Variants in NLGN1 observed in about 807,000 individuals in gnomAD.
NLGN1 encodes the protein neuroligin-1.
Under a neutral mutation model 65.5 loss-of-function variants are expected in NLGN1, and 12 were observed. The ratio of observed to expected loss-of-function variants is 0.18; its 90% confidence interval spans 0.12 to 0.30. NLGN1 has a LOEUF of 0.30. Ranked by LOEUF, NLGN1 falls within the 10% of genes least tolerant of loss-of-function variation. The probability of loss-of-function intolerance (pLI) is 1.00; values close to 1 mark genes in which losing one functional copy is unlikely to be tolerated. For missense variants in NLGN1, 750 were observed against 1,007.1 expected (o/e 0.74, Z 3.46); for synonymous variants, 350 against 359.5 (o/e 0.97, Z 0.30).
At chr3:173,940,080 CTTTTTTTTT>C (rs531013909) in intron 4 of NLGN1, among the ~76,000 whole-genome samples, 14 of 75,404 alleles carry the variant, frequency 1.9e-4, no homozygotes, top group Non-Finnish European at 2.5e-4. Flanking sequence ...ATAGTTATAG[CTTTTTTTTT>C]TTTTTTTTTT....
In NLGN1 at chr3:173,570,153, TGAAGGG is replaced by T. The variant is rs1744408370; in HGVS notation, c.-320-34125_-320-34120del. Reference sequence around the variant, plus strand: ...GGTGAGGTAGGATAGATTGTATCTCTGAAGGGTTAATAGAGGCAGTGCTGACTAAAG... The same window carrying T: ...GGTGAGGTAGGATAGATTGTATCTCTTTAATAGAGGCAGTGCTGACTAAAG... On this transcript the variant is annotated intron_variant, in intron 2 of 6. Coordinates refer to ENST00000457714, the Ensembl canonical transcript of NLGN1. Among the ~76,000 whole-genome samples, 14 of 152,254 alleles carry T rather than the reference TGAAGGG, an allele frequency of 9.2e-5. No individual in the cohort carries two copies. The South Asian group carries it at 2.9e-3, about 32-fold the overall frequency.
chr3:174,266,020 ATG>A (rs200553827), intron 4 of NLGN1, among the ~76,000 whole-genome samples: 1 of 142,116 alleles, frequency 7.0e-6, no homozygotes, highest in East Asian at 2.0e-4. Context: ...GTGCATATAT[ATG>A]TGTGTGTGTG....
chr3:174,070,632 A>C (rs1164975827), intron 4 of NLGN1, among the ~76,000 whole-genome samples: 1 of 152,116 alleles, frequency 6.6e-6, no homozygotes, highest in Non-Finnish European at 1.5e-5. Context: ...GCCCGGCCTT[A>C]TCTCTGACAT....
chr3:174,170,689 G>GT (rs1728358593), intron 4 of NLGN1, among the ~76,000 whole-genome samples: 1 of 152,080 alleles, frequency 6.6e-6, no homozygotes, highest in African/African-American at 2.4e-5. Context: ...TTAAACATAT[G>GT]GCACTAGCTA....
At chr3:173,561,929 G>A (rs1742802709) in intron 2 of NLGN1, among the ~76,000 whole-genome samples, 1 of 152,128 alleles carries the variant, frequency 6.6e-6, no homozygotes, top group Non-Finnish European at 1.5e-5. Context: ...ATGCTCTAGT[G>A]GTTTTTTTGT....
At chr3:173,967,576 A>C (rs1715166635) in intron 4 of NLGN1, among the ~76,000 whole-genome samples, 1 of 152,174 alleles carries the variant, frequency 6.6e-6, no homozygotes, top group Admixed American at 6.5e-5. Context: ...TCACATTACT[A>C]TATAATTTAG....
At chr3:173,918,700 GTGTATATATA>G (rs1478611727) in intron 4 of NLGN1, among the ~76,000 whole-genome samples, 157 of 81,966 alleles carry the variant, frequency 1.9e-3, no homozygotes, top group African/African-American at 6.8e-3. Flanking sequence ...GTGTGTGTGT[GTGTATATATA>G]TATATTGCAT....
At chr3:174,123,862 C>T (rs1466570754) in intron 4 of NLGN1, among the ~76,000 whole-genome samples, 1 of 152,110 alleles carries the variant, frequency 6.6e-6, no homozygotes, top group African/African-American at 2.4e-5. Flanking sequence ...ACTGCCTGCT[C>T]CTCCAGATAC....
chr3:174,004,502 A>G (rs1369108499), intron 4 of NLGN1, among the ~76,000 whole-genome samples: 1 of 152,080 alleles, frequency 6.6e-6, no homozygotes, highest in Non-Finnish European at 1.5e-5. Context: ...AACTGACCCA[A>G]ATGGTCAAAC....
At chr3:174,053,735 C>T (rs993891594) in intron 4 of NLGN1, among the ~76,000 whole-genome samples, 5 of 151,870 alleles carry the variant, frequency 3.3e-5, no homozygotes, top group African/African-American at 9.7e-5. Flanking sequence ...AATCCTTGCC[C>T]TTTTCCTTCT....
At chr3:173,539,657 G>GTATATATGTACATATATAACA (rs1362050556) in intron 2 of NLGN1, among the ~76,000 whole-genome samples, 2 of 124,274 alleles carry the variant, frequency 1.6e-5, no homozygotes, top group African/African-American at 6.5e-5. Flanking sequence ...TATAACATAT[G>GTATATATGTACATATATAACA]TGTATATATG....
chr3:173,590,486 A>G (rs1301039075), intron 2 of NLGN1, among the ~76,000 whole-genome samples: 9 of 152,186 alleles, frequency 5.9e-5, no homozygotes, highest in Admixed American at 5.9e-4. Context: ...AGTCTGTATA[A>G]CCTCCACCAT....
At chr3:174,264,223 G>C (rs1394812510) in intron 4 of NLGN1, among the ~76,000 whole-genome samples, 1 of 151,224 alleles carries the variant, frequency 6.6e-6, no homozygotes. Flanking sequence ...GAATCTGAAC[G>C]TTGGCCTGCC....
At chr3:173,443,075 A>T (rs1258926190) in intron 2 of NLGN1, among the ~76,000 whole-genome samples, 1 of 151,836 alleles carries the variant, frequency 6.6e-6, no homozygotes, top group Non-Finnish European at 1.5e-5. Flanking sequence ...GAAACACAAG[A>T]TTTAAAATTA....
chr3:174,156,423 G>A (rs972999593), intron 4 of NLGN1, among the ~76,000 whole-genome samples: 6 of 151,504 alleles, frequency 4.0e-5, no homozygotes, highest in Non-Finnish European at 8.8e-5. Context: ...TTTTTTTAAC[G>A]CTGCCCATTC....
chr3:174,181,468 T>C (rs1287673013), intron 4 of NLGN1, among the ~76,000 whole-genome samples: 1 of 152,154 alleles, frequency 6.6e-6, no homozygotes, highest in Non-Finnish European at 1.5e-5. Flanking sequence ...ACTTACTTCA[T>C]GCTCTCTCAA....
exon 3 of NLGN1, chr3:173,604,885 A>G: frequency 6.2e-7 from 1 of 1,613,712 alleles, no homozygotes; most frequent in South Asian, 1.1e-5. Context: ...CGTCGTTTTC[A>G]GCCTCCAGAA....
intron 4 of NLGN1, among the ~76,000 whole-genome samples, chr3:173,825,206 C>G (rs974604684): frequency 5.9e-5 from 9 of 151,958 alleles, no homozygotes. Context: ...CTATGACACT[C>G]TGCTGAAAGG....
chr3:173,600,581 T>G (rs1406839094), intron 2 of NLGN1, among the ~76,000 whole-genome samples: 2 of 147,820 alleles, frequency 1.4e-5, no homozygotes, highest in Non-Finnish European at 3.0e-5. Context: ...AAGGTAGAAA[T>G]AAAAACATAT....
Sources: gnomAD v4.1 joint callset for allele counts (sites outside exome capture counted in the v4.1 genomes callset) on GRCh38, gnomAD v4.1.1 for gene constraint, MANE v1.5 for transcripts, NCBI Gene and HGNC (gene_info 2026-07-23, HGNC 2026-07-21) for gene names.